ZNF25: variants seen among roughly 807,000 people sequenced by gnomAD.
The protein encoded by ZNF25 is zinc finger protein 25.
ZNF25 carries 21 observed loss-of-function variants against 30.9 expected under a neutral mutation model. The ratio of observed to expected loss-of-function variants is 0.68; its 90% CI spans 0.48 to 0.98. The LOEUF is 0.98. Among genes scored for constraint, ZNF25 ranks in the 50% least tolerant of loss-of-function variants. The pLI is 0.00. For missense variants in ZNF25, 501 were observed against 529.9 expected, an observed-to-expected ratio of 0.95 and a Z score of 0.54; for synonymous variants, 169 against 181.3, an observed-to-expected ratio of 0.93 and a Z score of 0.55.
intron 2 of ZNF25, among the ~76,000 whole-genome samples, chr10:37,967,006 G>A (rs752694688): frequency 2.0e-5 from 3 of 152,144 alleles, no homozygotes; most frequent in African/African-American, 4.8e-5. Flanking sequence ...GGCATTTCAC[G>A]AAAATAGTAG....
At chr10:37,955,249 T>C (rs1201428365) in intron 4 of ZNF25, among the ~76,000 whole-genome samples, 1 of 152,102 alleles carries the variant, frequency 6.6e-6, no homozygotes. Flanking sequence ...ATAAGTTGCA[T>C]AGGCAAGAGA....
Sources: allele counts gnomAD v4.1 joint callset (sites outside exome capture counted in the v4.1 genomes callset), GRCh38; gene constraint gnomAD v4.1.1; transcripts MANE v1.5; gene names NCBI Gene and HGNC (gene_info 2026-07-23, HGNC 2026-07-21).